The following PTPRD variants were observed in gnomAD, a reference collection of about 807,000 sequenced individuals.
PTPRD encodes protein tyrosine phosphatase receptor type D, also known as receptor-type tyrosine-protein phosphatase delta.
In PTPRD, 34 loss-of-function variants were observed where a neutral mutation model predicts 214.5. The observed-to-expected ratio is 0.16, with a 90% CI of 0.12 to 0.21. The LOEUF (loss-of-function observed/expected upper bound fraction) is 0.21, where lower values mean the gene tolerates loss of function less well. PTPRD is among the 10% of genes least tolerant of loss of function. The pLI, the probability that PTPRD is intolerant of heterozygous loss-of-function variation, is 1.00. For synonymous variants in PTPRD, 1,128 were observed against 845.7 expected (o/e 1.33, Z -5.79); for missense variants, 2,545 against 2,398.7 (o/e 1.06, Z -1.27).
At chr9:8,919,040 C>A (rs542973044) in intron 11 of PTPRD, among the ~76,000 whole-genome samples, 1 of 152,082 alleles carries the variant, frequency 6.6e-6, no homozygotes, top group Non-Finnish European at 1.5e-5. Context: ...GTATGCAGAT[C>A]CTTTTTACCA....
chr9:10,036,519 C>CACAT (rs2097184440), intron 3 of PTPRD, among the ~76,000 whole-genome samples: 1 of 143,096 alleles, frequency 7.0e-6, no homozygotes, highest in African/African-American at 2.6e-5. Context: ...CACACACACA[C>CACAT]ACACACACAC....
chr9:8,974,803 G>T (rs1165594752), intron 11 of PTPRD, among the ~76,000 whole-genome samples: 1 of 151,854 alleles, frequency 6.6e-6, no homozygotes, highest in African/African-American at 2.4e-5. Context: ...TATGCACCAA[G>T]AAAGATATTT....
intron 11 of PTPRD, among the ~76,000 whole-genome samples, chr9:8,750,018 G>A (rs1398877892): frequency 2.0e-5 from 3 of 151,572 alleles, no homozygotes; most frequent in Admixed American, 6.6e-5. Flanking sequence ...CAGGAGAATC[G>A]CTTGAACCCA....
chr9:9,328,614 CTTGCTTTTTT>C (rs1569567410), intron 9 of PTPRD, among the ~76,000 whole-genome samples: 10 of 39,102 alleles, frequency 2.6e-4, no homozygotes, highest in African/African-American at 7.6e-4. Context: ...TGTTGTTGTT[CTTGCTTTTTT>C]TTTTTTTTTT....
intron 11 of PTPRD, among the ~76,000 whole-genome samples, chr9:8,761,278 T>C (rs776415468): frequency 4.1e-4 from 63 of 152,278 alleles, no homozygotes; most frequent in Admixed American, 2.3e-3. Context: ...ATGGTAGCTA[T>C]AAAAAGAGAC....
intron 2 of PTPRD, among the ~76,000 whole-genome samples, chr9:10,350,958 C>T (rs749670224): frequency 1.3e-5 from 2 of 151,968 alleles, no homozygotes; most frequent in Non-Finnish European, 2.9e-5. Flanking sequence ...GTACAGTGAG[C>T]TATGATAATA....
intron 11 of PTPRD, among the ~76,000 whole-genome samples, chr9:8,809,763 A>G (rs2096763036): frequency 6.6e-6 from 1 of 152,200 alleles, no homozygotes; most frequent in Non-Finnish European, 1.5e-5. Flanking sequence ...TCATTGTATT[A>G]TCAGTTTCAG....
intron 2 of PTPRD, among the ~76,000 whole-genome samples, chr9:10,474,810 A>G (rs2099052513): frequency 6.6e-6 from 1 of 152,192 alleles, no homozygotes; most frequent in Non-Finnish European, 1.5e-5. Flanking sequence ...CAATCAAATT[A>G]GAACTCAGAA....
chr9:10,383,365 T>C (rs1385774072), intron 2 of PTPRD, among the ~76,000 whole-genome samples: 1 of 151,854 alleles, frequency 6.6e-6, no homozygotes, highest in Non-Finnish European at 1.5e-5. Context: ...TAATGCTCTA[T>C]GCTCAGGCCC....
At chr9:8,691,803 A>G (rs1281205430) in intron 12 of PTPRD, among the ~76,000 whole-genome samples, 1 of 152,228 alleles carries the variant, frequency 6.6e-6, no homozygotes, top group Non-Finnish European at 1.5e-5. Context: ...ACTTTATACC[A>G]AAAGCAACTT....
In PTPRD at chr9:10,347,434, G is replaced by C. The variant is rs541532237; in HGVS notation, c.-599-6417C>G. 9.0e-5 allele frequency among the ~76,000 whole-genome samples: 13 copies of C among 144,446 alleles called. No individual in the cohort carries two copies. The East Asian group carries it at 1.6e-3, about 18-fold the overall frequency. The allele number at this position is 144,446 out of a possible 152,430, so 94.8% of individuals were successfully genotyped here. A position where few individuals can be genotyped will look rare whatever the true frequency, so the allele number is the denominator to read the frequency against. ...CTTTTTTTTTTTTTTTTTTGAGATGGAGTTTTGCTCTTATTGCCCAGGCTG... is the reference window on the plus strand; with the variant it reads ...CTTTTTTTTTTTTTTTTTTGAGATGCAGTTTTGCTCTTATTGCCCAGGCTG... On this transcript the variant is annotated intron_variant, in intron 2 of 45. Transcript: ENST00000381196.
intron 4 of PTPRD, among the ~76,000 whole-genome samples, chr9:10,027,548 G>A (rs2096950631): frequency 6.6e-6 from 1 of 152,082 alleles, no homozygotes; most frequent in African/African-American, 2.4e-5. Context: ...AATATAACAG[G>A]ATAAGAGAAG....
chr9:9,679,342 T>C (rs1008252866), intron 7 of PTPRD, among the ~76,000 whole-genome samples: 4 of 151,714 alleles, frequency 2.6e-5, no homozygotes, highest in Admixed American at 2.0e-4. Context: ...AATTAATACA[T>C]ATGAGATCAG....
chr9:9,816,490 T>G (rs2048816905), intron 5 of PTPRD, among the ~76,000 whole-genome samples: 1 of 152,064 alleles, frequency 6.6e-6, no homozygotes, highest in African/African-American at 2.4e-5. Flanking sequence ...ACAATATAAT[T>G]TGAATAATAT....
At chr9:9,266,476 T>G (rs1480574274) in intron 9 of PTPRD, among the ~76,000 whole-genome samples, 1 of 151,212 alleles carries the variant, frequency 6.6e-6, no homozygotes, top group East Asian at 2.0e-4. Flanking sequence ...TGGAACATTC[T>G]CCAAGATAGA....
chr9:9,508,228 T>G (rs904527884), intron 8 of PTPRD, among the ~76,000 whole-genome samples: 2 of 151,614 alleles, frequency 1.3e-5, no homozygotes, highest in African/African-American at 4.8e-5. Flanking sequence ...ATTTGTGGTT[T>G]GGAACACTGT....
At chr9:8,615,540 T>G (rs147386582) in intron 14 of PTPRD, among the ~76,000 whole-genome samples, 63 of 152,178 alleles carry the variant, frequency 4.1e-4, no homozygotes, top group African/African-American at 1.5e-3. Flanking sequence ...ATTATATGTT[T>G]TTAGAAGCAT....
At chr9:9,686,030 T>C (rs1292306210) in intron 7 of PTPRD, among the ~76,000 whole-genome samples, 1 of 151,456 alleles carries the variant, frequency 6.6e-6, no homozygotes, top group Non-Finnish European at 1.5e-5. Flanking sequence ...ATTTTGGTGT[T>C]TTCAGGAGAG....
chr9:8,327,400 T>C (rs4008218), intron 44 of PTPRD, among the ~76,000 whole-genome samples: 6,288 of 151,722 alleles, frequency 0.041, 427 homozygotes, highest in African/African-American at 0.14. Context: ...TCTGAGAGAC[T>C]GTTTGTTATG....
Sources: allele counts gnomAD v4.1 joint callset (sites outside exome capture counted in the v4.1 genomes callset), GRCh38; gene constraint gnomAD v4.1.1; transcripts MANE v1.5; gene names NCBI Gene and HGNC (gene_info 2026-07-23, HGNC 2026-07-21).